The following POU2F2 variants were observed in gnomAD, a reference collection of about 807,000 sequenced individuals.
POU2F2 encodes the protein POU domain, class 2, transcription factor 2.
A neutral mutation model predicts 63.5 loss-of-function variants in POU2F2; 14 were observed. That is an observed-to-expected ratio of 0.22 (90% CI 0.15 to 0.34). The LOEUF is 0.34. POU2F2 is among the 10% of genes least tolerant of loss of function. The pLI, the probability that POU2F2 is intolerant of heterozygous loss-of-function variation, is 1.00. For synonymous variants in POU2F2, 306 were observed against 348.6 expected, an observed-to-expected ratio of 0.88 and a Z score of 1.36; for missense variants, 607 against 815.2, an observed-to-expected ratio of 0.74 and a Z score of 3.11.
chr19:42,184,487 AC>A (rs1259358345), intron 1 of POU2F2, among the ~76,000 whole-genome samples: 1 of 151,932 alleles, frequency 6.6e-6, no homozygotes, highest in Non-Finnish European at 1.5e-5. Flanking sequence ...AATCCCTCCA[AC>A]CTGGATTCCA....
intron 1 of POU2F2, among the ~76,000 whole-genome samples, chr19:42,168,263 G>A (rs2146797253): frequency 6.6e-6 from 1 of 152,246 alleles, no homozygotes; most frequent in East Asian, 1.9e-4. Context: ...CCCACACGAG[G>A]CTCAGAGAGA....
chr19:42,137,475 G>A (rs1023088517), upstream of POU2F2, among the ~76,000 whole-genome samples: 10 of 152,124 alleles, frequency 6.6e-5, no homozygotes, highest in Non-Finnish European at 1.2e-4. Flanking sequence ...TAATCCTGGC[G>A]CTTTGAGAGG....
intron 2 of POU2F2, among the ~76,000 whole-genome samples, chr19:42,143,963 G>A (rs548288010): frequency 3.9e-5 from 6 of 152,130 alleles, no homozygotes; most frequent in South Asian, 4.1e-4. Flanking sequence ...CTCGTGTCAC[G>A]TGCTTGTTTA....
intron 2 of POU2F2, among the ~76,000 whole-genome samples, chr19:42,154,061 A>ACCT (rs1261564579): frequency 1.3e-5 from 2 of 148,904 alleles, no homozygotes; most frequent in African/African-American, 2.5e-5. Flanking sequence ...CCACCAAGCG[A>ACCT]CCTCCGTCCC....
intron 2 of POU2F2, among the ~76,000 whole-genome samples, chr19:42,159,730 C>T (rs2034520515): frequency 6.6e-6 from 1 of 152,194 alleles, no homozygotes; most frequent in African/African-American, 2.4e-5. Context: ...GGAACGCTTC[C>T]AGCCATATTT....
chr19:42,195,076 AG>A (rs1448468012), intron 1 of POU2F2, among the ~76,000 whole-genome samples: 11 of 3,710 alleles, frequency 3.0e-3, no homozygotes, highest in Middle Eastern at 0.056. Context: ...GGAGGAAGGA[AG>A]GGAGGGAGGA....
chr19:42,116,473 C>T (rs754551402), intron 5 of POU2F2, among the ~76,000 whole-genome samples: 6 of 152,184 alleles, frequency 3.9e-5, no homozygotes, highest in South Asian at 2.1e-4. Context: ...CTGCCCCCAA[C>T]ACACCACCAG....
In POU2F2 at chr19:42,096,743, T is replaced by C. The variant is rs1286369831; in HGVS notation, c.568-500A>G. On this transcript the variant is annotated intron_variant, in intron 7 of 14. Transcript: ENST00000692977. This position sits in a 1 kb window ranked among gnomAD's most constrained non-coding sequence, Gnocchi z 4.1. The stretch of plus-strand genomic sequence containing the variant: ...AAAATGAGTAGGTCGTGCAGACCCA[T>C]GGACTGTACAATGCCAAGAGTGAAC... Among the ~76,000 whole-genome samples, 1 of 152,200 alleles carries C rather than the reference T, an allele frequency of 6.6e-6. No homozygotes were observed. Among genetic ancestry groups the C allele is most frequent in the African/African-American group, 2.4e-5 (1 of 41,452 alleles).
Position 42,111,972 on chromosome 19 carries a change from G to A in POU2F2, c.369+5278C>T, listed in dbSNP as rs543306941. Among the ~76,000 whole-genome samples the A allele has an allele frequency of 4.6e-5, 7 of 152,314 alleles. No homozygotes were observed. The East Asian group carries it at 7.7e-4, about 17-fold the overall frequency. ...GACATGGAACCCAGGAAGTTGTGGCGATCAGGGCAGAATACCACAAATGGA... is the reference window on the plus strand; with the variant it reads ...GACATGGAACCCAGGAAGTTGTGGCAATCAGGGCAGAATACCACAAATGGA... On this transcript the variant is annotated intron_variant, in intron 5 of 14. Coordinates refer to ENST00000692977, the MANE Select transcript of POU2F2 (RefSeq NM_001394376.1).
Position 42,152,474 on chromosome 19 carries a change from G to A in POU2F2, c.-9+7858C>T, listed in dbSNP as rs2034372957. On this transcript the variant is annotated intron_variant, in intron 2 of 6. Coordinates refer to the POU2F2 transcript ENST00000524801. The surrounding 1 kb of genome is among the most constrained non-coding windows in gnomAD (Gnocchi z 4.1). Reference sequence around the variant, plus strand: ...CTTTCTCGGCTGGCTATCGACCGGGGCTGTGACATGGTGGATCAATACGGC... The same window carrying A: ...CTTTCTCGGCTGGCTATCGACCGGGACTGTGACATGGTGGATCAATACGGC... 1 of 152,350 alleles carries A rather than the reference G, an allele frequency of 6.6e-6. No individual in the cohort carries two copies. The highest frequency in any genetic ancestry group is 2.4e-5 in the African/African-American group (1 of 41,406). 9.4% of individuals were successfully genotyped at this position (152,350 alleles called of 1,614,324 possible).
At chr19:42,116,767 C>G (rs79749160) in intron 5 of POU2F2, 5 of 355,668 alleles carry the variant, frequency 1.4e-5, no homozygotes, top group African/African-American at 1.1e-4. Context: ...AGGGGGCTGG[C>G]TGGCAGGCTG....
chr19:42,191,493 C>G (rs2035074830), intron 1 of POU2F2, among the ~76,000 whole-genome samples: 2 of 151,526 alleles, frequency 1.3e-5, no homozygotes, highest in South Asian at 2.1e-4. Context: ...TTACCTCAAC[C>G]CTGCCCACAC....
chr19:42,086,673 A>G lies in POU2F2; in HGVS notation c.*4584T>C, dbSNP rs570950383. On this transcript the variant is annotated 3_prime_UTR_variant, in exon 15 of 15. Transcript: ENST00000692977. The stretch of plus-strand genomic sequence containing the variant: ...CTCCTCGCCCATTCCCCACCCTGCC[A>G]TTATCCAAAGGCTCTCTACGAGTTG... 9.4e-4 allele frequency: 143 copies of G among 152,268 alleles called. No homozygotes were observed. The highest frequency in any genetic ancestry group is 3.3e-3 in the African/African-American group (139 of 41,558). The allele number at this position is 152,268 out of a possible 1,614,324, so 9.4% of individuals were successfully genotyped here.
intron 5 of POU2F2, among the ~76,000 whole-genome samples, chr19:42,111,286 A>AT (rs879324450): frequency 1.8e-4 from 27 of 146,534 alleles, no homozygotes; most frequent in Admixed American, 6.9e-4. Context: ...CACCTGGTTA[A>AT]TTTTTTTTTT....
chr19:42,161,340 C>A (rs1599692436), intron 1 of POU2F2, among the ~76,000 whole-genome samples: 1 of 152,216 alleles, frequency 6.6e-6, no homozygotes, highest in East Asian at 1.9e-4. Flanking sequence ...CTGGTCCAAG[C>A]AGCCAGGGCT....
intron 1 of POU2F2, among the ~76,000 whole-genome samples, chr19:42,196,056 T>C (rs1342208105): frequency 6.6e-6 from 1 of 152,192 alleles, no homozygotes; most frequent in African/African-American, 2.4e-5. Context: ...CTTTTCAGAA[T>C]GTTATTTCAC....
intron 1 of POU2F2, among the ~76,000 whole-genome samples, chr19:42,181,525 T>C (rs1239648924): frequency 1.1e-4 from 17 of 152,192 alleles, no homozygotes; most frequent in Non-Finnish European, 2.5e-4. Flanking sequence ...GTACAAAACA[T>C]TGCAAGCTAT....
intron 1 of POU2F2, among the ~76,000 whole-genome samples, chr19:42,171,065 T>C (rs1468452842): frequency 6.6e-6 from 1 of 152,270 alleles, no homozygotes; most frequent in Non-Finnish European, 1.5e-5. Context: ...GGAGTCGGCC[T>C]GACCTTTTCC....
chr19:42,174,577 C>G (rs565861809), intron 1 of POU2F2, among the ~76,000 whole-genome samples: 42 of 152,116 alleles, frequency 2.8e-4, no homozygotes, highest in African/African-American at 9.9e-4. Context: ...CAACCCCCCA[C>G]TGAAAACACA....
Sources: allele counts gnomAD v4.1 joint callset (sites outside exome capture counted in the v4.1 genomes callset), GRCh38; gene constraint gnomAD v4.1.1; non-coding constraint Gnocchi (gnomAD v3.1); transcripts MANE v1.5; gene names NCBI Gene and HGNC (gene_info 2026-07-23, HGNC 2026-07-21).